ULK2: variants seen among roughly 807,000 people sequenced by gnomAD.
The protein encoded by ULK2 is serine/threonine-protein kinase ULK2.
In ULK2, 76 loss-of-function variants were observed where a neutral mutation model predicts 127.5. The observed-to-expected ratio is 0.60, with a 90% CI of 0.50 to 0.72. The LOEUF (loss-of-function observed/expected upper bound fraction) is 0.72, where lower values mean the gene tolerates loss of function less well. ULK2 is among the 30% of genes least tolerant of loss of function. The pLI is 0.00. For synonymous variants in ULK2, 452 were observed against 461.9 expected, an observed-to-expected ratio of 0.98 and a Z score of 0.28; for missense variants, 1,144 against 1,295.9, an observed-to-expected ratio of 0.88 and a Z score of 1.80.
rs748970101 is a variant in ULK2, at chr17:19,841,543, T to C, written c.650A>G (p.Asn217Ser). The C allele has an allele frequency of 7.4e-5, 116 of 1,578,122 alleles. 1 individual carries two copies. Among genetic ancestry groups the C allele is most frequent in the Non-Finnish European group, 8.8e-5 (103 of 1,170,470 alleles). Reference sequence around the variant, plus strand: ...AAACATCCTTAAGTCTTGAGGACTATTGGCCTATTAAAAAAAAAAAGGTTT... The same window carrying C: ...AAACATCCTTAAGTCTTGAGGACTACTGGCCTATTAAAAAAAAAAAGGTTT... ...CLVGKPPFQA[N>S]SPQDLRMFYE... The change falls in exon 9 of 27, where the codon AAT (asparagine) becomes AGT (serine). Residue 217 changes from asparagine (N) to serine (S), a missense_variant. Coordinates refer to ENST00000395544, the MANE Select transcript of ULK2 (RefSeq NM_014683.4).
At chr17:19,860,577 T>C (rs927437540) in intron 3 of ULK2, among the ~76,000 whole-genome samples, 1 of 149,656 alleles carries the variant, frequency 6.7e-6, no homozygotes, top group African/African-American at 2.5e-5. Flanking sequence ...CAGGCTGGAG[T>C]GCAATGGCGC....
intron 25 of ULK2, among the ~76,000 whole-genome samples, chr17:19,779,211 G>A (rs1010869637): frequency 7.2e-5 from 11 of 152,088 alleles, no homozygotes; most frequent in Admixed American, 5.9e-4. Flanking sequence ...ATGGAAAGGG[G>A]GATCTATTAT....
intron 17 of ULK2, among the ~76,000 whole-genome samples, chr17:19,799,240 A>G (rs1296585393): frequency 7.2e-5 from 11 of 152,076 alleles, no homozygotes; most frequent in Admixed American, 7.2e-4. Flanking sequence ...TTCATTATCT[A>G]TGTGAAAATA....
At chr17:19,831,931 G>A (rs908053076) in intron 10 of ULK2, among the ~76,000 whole-genome samples, 3 of 152,142 alleles carry the variant, frequency 2.0e-5, no homozygotes. Flanking sequence ...TTTAAGACCA[G>A]CCTGGCCAAC....
Position 19,856,884 on chromosome 17 carries a change from G to C in ULK2, c.226-7110C>G, listed in dbSNP as rs181840110. Among the ~76,000 whole-genome samples the C allele has an allele frequency of 4.0e-5, 6 of 148,660 alleles. 1 individual carries two copies. The highest frequency in any genetic ancestry group is 1.5e-4 in the African/African-American group (6 of 40,300). On this transcript the variant is annotated intron_variant, in intron 3 of 26. Coordinates refer to ENST00000395544, the MANE Select transcript of ULK2 (RefSeq NM_014683.4). ...CCCAGCTACTCGGGAGGCTGAGGTG[G>C]GAGAATAGTGTCAACCCAGGAGGTG...
intron 20 of ULK2, among the ~76,000 whole-genome samples, chr17:19,788,829 C>T (rs755916226): frequency 2.6e-5 from 4 of 152,180 alleles, no homozygotes; most frequent in Non-Finnish European, 5.9e-5. Flanking sequence ...TTGGTGGTTA[C>T]AGCCACAGGG....
chr17:19,829,267 G>A (rs752060174), intron 10 of ULK2, among the ~76,000 whole-genome samples: 13 of 152,142 alleles, frequency 8.5e-5, no homozygotes, highest in Non-Finnish European at 1.8e-4. Context: ...CAAGTACACT[G>A]GCTTAAGCCT....
chr17:19,839,177 G>A (rs1162250145), intron 9 of ULK2, among the ~76,000 whole-genome samples: 3 of 152,112 alleles, frequency 2.0e-5, no homozygotes, highest in Non-Finnish European at 2.9e-5. Flanking sequence ...TTTTAGCATA[G>A]CTTCAATCTT....
chr17:19,849,684 TAAAA>T (rs11295844), intron 4 of ULK2, 54 bp downstream of exon 4: 58 of 988,894 alleles, frequency 5.9e-5, no homozygotes, highest in East Asian at 1.2e-4. Context: ...TGCTAGAATC[TAAAA>T]AAAAAAAAAA....
At chr17:19,798,151 AC>A (rs772955246) in intron 17 of ULK2, among the ~76,000 whole-genome samples, 1 of 152,238 alleles carries the variant, frequency 6.6e-6, no homozygotes, top group Non-Finnish European at 1.5e-5. Flanking sequence ...ATTCAAAAAA[AC>A]AAAATAAACA....
intron 10 of ULK2, among the ~76,000 whole-genome samples, chr17:19,838,126 A>G (rs1364201552): frequency 6.6e-6 from 1 of 152,128 alleles, no homozygotes; most frequent in Non-Finnish European, 1.5e-5. Flanking sequence ...TCTTTGTTCA[A>G]ATGTCACTTT....
Position 19,822,518 on chromosome 17 carries a change from C to T in ULK2, c.924+2576G>A, listed in dbSNP as rs946207251. Among the ~76,000 whole-genome samples, 4 of 151,122 alleles carry T rather than the reference C, an allele frequency of 2.6e-5. 1 individual carries two copies. The highest frequency in any genetic ancestry group is 9.7e-5 in the African/African-American group (4 of 41,064). ...CTGGGATTACAGGTGCACGCCGCCA[C>T]GCCCAGCCAATTTTTGTTATTTGAA... On this transcript the variant is annotated intron_variant, in intron 12 of 26. Coordinates refer to ENST00000395544, the MANE Select transcript of ULK2 (RefSeq NM_014683.4).
Position 19,780,490 on chromosome 17 carries a change from A to G in ULK2, c.2898T>C (p.Tyr966=), listed in dbSNP as rs768163631. ...INSVTAEKLI[Y]NCAVEMVQSA... ...GGGTTACCATTTCTACAGCACAATT[A>G]TAGATGAGTTTCTCTGCAGTCACAC... The change falls in exon 25 of 27, where the codon TAT becomes TAC. Residue 966 remains tyrosine, a synonymous_variant. Coordinates refer to ENST00000395544, the MANE Select transcript of ULK2 (RefSeq NM_014683.4). 6.2e-6 allele frequency: 10 copies of G among 1,612,574 alleles called. No homozygotes were observed. The highest frequency in any genetic ancestry group is 7.6e-6 in the Non-Finnish European group (9 of 1,179,600).
intron 12 of ULK2, among the ~76,000 whole-genome samples, chr17:19,819,249 C>T (rs77062864): frequency 0.041 from 6,275 of 152,272 alleles, 190 homozygotes; most frequent in Non-Finnish European, 0.064. Context: ...AAGTATTTCC[C>T]GTACTCCTTA....
At chr17:19,851,999 T>C (rs1326609619) in intron 3 of ULK2, among the ~76,000 whole-genome samples, 9 of 144,596 alleles carry the variant, frequency 6.2e-5, no homozygotes, top group African/African-American at 2.4e-4. Flanking sequence ...TGAGCCGAGA[T>C]TGCGCCACTG....
chr17:19,834,073 T>C (rs1165479363), intron 10 of ULK2, among the ~76,000 whole-genome samples: 1 of 151,798 alleles, frequency 6.6e-6, no homozygotes, highest in African/African-American at 2.4e-5. Flanking sequence ...AAGAGAAAAA[T>C]GACTCATCAC....
intron 3 of ULK2, 97 bp downstream of exon 3, chr17:19,864,706 A>G: frequency 2.3e-6 from 1 of 439,002 alleles, no homozygotes; most frequent in Non-Finnish European, 3.8e-6. Flanking sequence ...TTTCAACAAG[A>G]ATTAAGGTCA....
At chr17:19,823,282 C>A (rs1448752867) in intron 12 of ULK2, among the ~76,000 whole-genome samples, 4 of 151,992 alleles carry the variant, frequency 2.6e-5, no homozygotes, top group African/African-American at 9.7e-5. Flanking sequence ...CTTTCTCCTG[C>A]CTCTCTTCAC....
intron 3 of ULK2, among the ~76,000 whole-genome samples, chr17:19,863,369 A>G (rs935634693): frequency 6.6e-6 from 1 of 152,194 alleles, no homozygotes; most frequent in African/African-American, 2.4e-5. Flanking sequence ...GAAAGAAATT[A>G]TGTAAATCAT....
Sources: allele counts gnomAD v4.1 joint callset (sites outside exome capture counted in the v4.1 genomes callset), GRCh38; gene constraint gnomAD v4.1.1; transcripts MANE v1.5; gene names NCBI Gene and HGNC (gene_info 2026-07-23, HGNC 2026-07-21).